The following PIBF1 variants were observed in gnomAD, a reference collection of about 807,000 sequenced individuals.
PIBF1 encodes the protein progesterone immunomodulatory binding factor 1, also known as progesterone-induced-blocking factor 1.
In PIBF1, 90 loss-of-function variants were observed where a neutral mutation model predicts 112.5. The ratio of observed to expected loss-of-function variants is 0.80; its 90% CI spans 0.67 to 0.95. The LOEUF (loss-of-function observed/expected upper bound fraction) is 0.95, where lower values mean the gene tolerates loss of function less well. Among genes scored for constraint, PIBF1 ranks in the 40% least tolerant of loss-of-function variants. The probability of loss-of-function intolerance (pLI) is 0.00; values close to 1 mark genes in which losing one functional copy is unlikely to be tolerated. For synonymous variants in PIBF1, 301 were observed against 288.6 expected (o/e 1.04, Z -0.44); for missense variants, 915 against 852.3 (o/e 1.07, Z -0.92).
At chr13:72,824,808 G>A (rs58856272) in intron 6 of PIBF1, among the ~76,000 whole-genome samples, 1 of 152,054 alleles carries the variant, frequency 6.6e-6, no homozygotes, top group Non-Finnish European at 1.5e-5. Flanking sequence ...CCTTAACCTA[G>A]TGATCAAAGT....
At position 72,827,915 on chromosome 13, in the gene PIBF1, G is replaced by C; in HGVS notation, c.1097+1G>C. On this transcript the variant is annotated splice_donor_variant, in intron 8 of 17. Transcript: ENST00000326291. LOFTEE classifies it high-confidence loss of function. ...TGTATGAAAAATATGTAGCATCCAG[G>C]CAAGATTTGCATTATTTCCCACGTA... 6.5e-7 allele frequency: 1 copy of C among 1,544,304 alleles called. No homozygotes were observed. The highest frequency in any genetic ancestry group is 8.8e-7 in the Non-Finnish European group (1 of 1,141,828).
chr13:72,829,514 A>C lies in PIBF1; in HGVS notation c.1097+1600A>C, dbSNP rs550060053. Among the ~76,000 whole-genome samples the C allele has an allele frequency of 8.9e-4, 136 of 152,284 alleles. 1 individual carries two copies. Among genetic ancestry groups the C allele is most frequent in the Non-Finnish European group, 1.0e-3 (69 of 68,022 alleles). On this transcript the variant is annotated intron_variant, in intron 8 of 17. Transcript: ENST00000326291. ...CTGCATATGGCTACCTAGTTTTCCA[A>C]ACAACATTTATTAAATAGGGAATCT...
chr13:72,844,485 C>T (rs1007798760), intron 9 of PIBF1, among the ~76,000 whole-genome samples: 2 of 151,902 alleles, frequency 1.3e-5, no homozygotes, highest in African/African-American at 4.8e-5. Flanking sequence ...GCTCTCCGTC[C>T]CCTAGCCCTT....
chr13:72,952,546 A>G (rs1428726992), intron 14 of PIBF1, among the ~76,000 whole-genome samples: 1 of 151,504 alleles, frequency 6.6e-6, no homozygotes, highest in Non-Finnish European at 1.5e-5. Context: ...TCATATTGCC[A>G]GAATTATTTT....
intron 11 of PIBF1, among the ~76,000 whole-genome samples, chr13:72,897,956 A>G (rs2040344342): frequency 1.3e-5 from 2 of 152,214 alleles, no homozygotes; most frequent in Non-Finnish European, 2.9e-5. Flanking sequence ...CCTTGGAACA[A>G]ATGGACTTAA....
At chr13:72,993,745 C>CAAA (rs34464067) in intron 16 of PIBF1, among the ~76,000 whole-genome samples, 9 of 98,866 alleles carry the variant, frequency 9.1e-5, no homozygotes, top group South Asian at 3.4e-4. Context: ...GACTCCATTT[C>CAAA]AAAAAAAAAA....
chr13:72,844,762 C>CAA (rs2037776652), intron 9 of PIBF1, among the ~76,000 whole-genome samples: 1 of 125,922 alleles, frequency 7.9e-6, no homozygotes, highest in Admixed American at 7.7e-5. Flanking sequence ...CACACACACA[C>CAA]ACACACACAC....
intron 10 of PIBF1, among the ~76,000 whole-genome samples, chr13:72,861,065 T>C (rs985801366): frequency 6.6e-6 from 1 of 152,192 alleles, no homozygotes; most frequent in Non-Finnish European, 1.5e-5. Flanking sequence ...TATTGGGATC[T>C]AAAATGTAAG....
At chr13:72,972,136 C>T (rs1339037694) in intron 15 of PIBF1, among the ~76,000 whole-genome samples, 1 of 151,682 alleles carries the variant, frequency 6.6e-6, no homozygotes, top group East Asian at 1.9e-4. Flanking sequence ...TGGGCTCGAG[C>T]GATCCTCCTA....
At position 72,990,290 on chromosome 13, in the gene PIBF1, C is replaced by T. The variant is rs139098836; in HGVS notation, c.2050-8532C>T. 5.8e-4 allele frequency among the ~76,000 whole-genome samples: 87 copies of T among 150,046 alleles called. 11 individuals are homozygous for T. The East Asian group carries it at 0.017, about 30-fold the overall frequency. ...ATCCCAGCACTTTGGGAGGCCGAGG[C>T]AGGTGGATCACCTGAGACCAGGAGT... is the stretch of plus-strand genomic sequence containing the variant. On this transcript the variant is annotated intron_variant, in intron 16 of 17. Coordinates refer to ENST00000326291, the MANE Select transcript of PIBF1 (RefSeq NM_006346.4).
chr13:72,789,216 A>G (rs925583096), intron 2 of PIBF1, among the ~76,000 whole-genome samples: 2 of 151,630 alleles, frequency 1.3e-5, no homozygotes, highest in South Asian at 2.1e-4. Flanking sequence ...ACAGGGTCTC[A>G]CTCTCTTGCC....
chr13:72,913,247 G>A (rs1044990351), intron 12 of PIBF1, among the ~76,000 whole-genome samples: 17 of 152,018 alleles, frequency 1.1e-4, no homozygotes, highest in African/African-American at 4.1e-4. Flanking sequence ...TTCAAAACTC[G>A]TTGAATGGTA....
chr13:72,854,082 G>T lies in PIBF1; in HGVS notation c.1249G>T (p.Ala417Ser), dbSNP rs1308461633. The T allele has an allele frequency of 1.9e-6, 3 of 1,612,906 alleles. No homozygotes were observed. The highest frequency in any genetic ancestry group is 2.2e-5 in the East Asian group (1 of 44,848). ...AAATCTCCGAGAAGCAAGGGATAAT[G>T]CTGTGGCTGAAAAGGAACGAGCAGT... ...NRNLREARDN[A>S]VAEKERAVMA... The change falls in exon 10 of 18, where the codon GCT (alanine) becomes TCT (serine). Residue 417 changes from alanine to serine, a missense_variant. Ala to Ser is a moderately conservative substitution (Grantham distance 99). Transcript: ENST00000326291.
intron 17 of PIBF1, 115 bp downstream of exon 17, chr13:72,999,110 C>A: frequency 1.6e-6 from 1 of 645,014 alleles, no homozygotes; most frequent in Non-Finnish European, 2.6e-6. Flanking sequence ...AAATATGTTT[C>A]ATGAAAAGAC....
rs933146766 is a variant in PIBF1 at position 72,823,319 on chromosome 13, A to G, written c.806+1337A>G. 4.6e-5 allele frequency among the ~76,000 whole-genome samples: 7 copies of G among 152,158 alleles called. No homozygotes were observed. In the East Asian group the frequency reaches 1.3e-3, roughly 29 times the overall value. On this transcript the variant is annotated intron_variant, in intron 6 of 17. Transcript: ENST00000326291. ...AGTTGATAATTACTGAATTTGGGTG[A>G]TGGGAGCATGGGTGTTCATTATATC...
intron 11 of PIBF1, among the ~76,000 whole-genome samples, chr13:72,894,475 A>G (rs1193786865): frequency 6.6e-6 from 1 of 152,030 alleles, no homozygotes; most frequent in African/African-American, 2.4e-5. Flanking sequence ...CACATTTTAA[A>G]GTGTGTTCTG....
chr13:72,866,144 G>A (rs548114824), intron 10 of PIBF1, among the ~76,000 whole-genome samples: 1 of 151,988 alleles, frequency 6.6e-6, no homozygotes, highest in East Asian at 1.9e-4. Context: ...TTTCTCCTTT[G>A]TGTGCCTCTT....
intron 9 of PIBF1, among the ~76,000 whole-genome samples, chr13:72,838,217 C>T (rs909315304): frequency 4.6e-5 from 7 of 152,108 alleles, no homozygotes; most frequent in South Asian, 4.1e-4. Context: ...TAGTGGTGAC[C>T]TTTGTCTTCA....
chr13:72,993,505 G>T (rs576009593), intron 16 of PIBF1, among the ~76,000 whole-genome samples: 3 of 151,930 alleles, frequency 2.0e-5, no homozygotes, highest in Non-Finnish European at 4.4e-5. Flanking sequence ...GAAGATTCTC[G>T]CAAGAAAGAA....
Sources: gnomAD v4.1 joint callset for allele counts (sites outside exome capture counted in the v4.1 genomes callset) on GRCh38, gnomAD v4.1.1 for gene constraint, MANE v1.5 for transcripts, NCBI Gene and HGNC (gene_info 2026-07-23, HGNC 2026-07-21) for gene names.